Variants in MAML3 observed in about 807,000 individuals in gnomAD.
MAML3 encodes mastermind like transcriptional coactivator 3.
MAML3 carries 27 observed loss-of-function variants against 101.9 expected under a neutral mutation model. The observed-to-expected ratio is 0.27, with a 90% confidence interval of 0.20 to 0.37. The LOEUF (loss-of-function observed/expected upper bound fraction) is 0.37. Among genes scored for constraint, MAML3 ranks in the 10% least tolerant of loss-of-function variants. MAML3 has a pLI of 1.00. For missense variants in MAML3, 1,316 were observed against 1,444.9 expected (o/e 0.91, Z 1.45); for synonymous variants, 501 against 555.9 (o/e 0.90, Z 1.39).
chr4:139,736,482 C>T (rs564153829), intron 2 of MAML3, among the ~76,000 whole-genome samples: 1 of 152,280 alleles, frequency 6.6e-6, no homozygotes, highest in African/African-American at 2.4e-5. Flanking sequence ...TCTGACCTCT[C>T]TCAGTCCCCA....
chr4:139,970,224 G>A (rs1388849381), intron 1 of MAML3, among the ~76,000 whole-genome samples: 3 of 152,208 alleles, frequency 2.0e-5, no homozygotes, highest in Admixed American at 6.5e-5. Flanking sequence ...GATTAGAGCA[G>A]GCTTCACGGA....
intron 2 of MAML3, among the ~76,000 whole-genome samples, chr4:139,851,893 C>G (rs1731560940): frequency 6.6e-6 from 1 of 152,104 alleles, no homozygotes; most frequent in Non-Finnish European, 1.5e-5. Context: ...TGAGGGATTG[C>G]TGATAGGAAA....
chr4:140,126,403 T>C (rs997224692), intron 1 of MAML3, among the ~76,000 whole-genome samples: 4 of 152,160 alleles, frequency 2.6e-5, no homozygotes, highest in East Asian at 3.8e-4. Flanking sequence ...GAGCTTCCAG[T>C]TGCCAAATCC....
intron 1 of MAML3, among the ~76,000 whole-genome samples, chr4:140,091,538 AAAAACAAAAC>A (rs1282094243): frequency 4.5e-5 from 1 of 22,206 alleles, no homozygotes; most frequent in Non-Finnish European, 2.1e-4. Context: ...ACAACAAAAC[AAAAACAAAAC>A]AAAAAAAAAA....
At chr4:140,121,957 G>T (rs1371176983) in intron 1 of MAML3, among the ~76,000 whole-genome samples, 2 of 152,040 alleles carry the variant, frequency 1.3e-5, no homozygotes, top group African/African-American at 2.4e-5. Flanking sequence ...GTTTTATAAG[G>T]TGCTTTCCCC....
chr4:139,846,864 G>T (rs900450546), intron 2 of MAML3, among the ~76,000 whole-genome samples: 1 of 152,172 alleles, frequency 6.6e-6, no homozygotes, highest in Admixed American at 6.5e-5. Flanking sequence ...GAGGAAAATT[G>T]TGTGTTTTCC....
At chr4:140,135,328 A>G (rs1171096003) in intron 1 of MAML3, among the ~76,000 whole-genome samples, 2 of 152,244 alleles carry the variant, frequency 1.3e-5, no homozygotes, top group African/African-American at 4.8e-5. Flanking sequence ...TAAAGATGTC[A>G]TGTGCAAAGT....
chr4:139,763,845 T>C (rs1331850991), intron 2 of MAML3, among the ~76,000 whole-genome samples: 1 of 152,212 alleles, frequency 6.6e-6, no homozygotes, highest in African/African-American at 2.4e-5. Context: ...GAGAGGCCGC[T>C]GAATTAAACA....
At chr4:139,731,849 C>G (rs914265809) in intron 2 of MAML3, among the ~76,000 whole-genome samples, 3 of 152,112 alleles carry the variant, frequency 2.0e-5, no homozygotes, top group Non-Finnish European at 4.4e-5. Context: ...ACAGTGTAGA[C>G]TATTAGGGGA....
At chr4:140,070,259 A>G (rs1425604247) in intron 1 of MAML3, among the ~76,000 whole-genome samples, 3 of 152,232 alleles carry the variant, frequency 2.0e-5, no homozygotes, top group Non-Finnish European at 4.4e-5. Flanking sequence ...TGCTTCAGAA[A>G]TACTTGTTGA....
chr4:139,942,237 C>G (rs1453820562), intron 1 of MAML3, among the ~76,000 whole-genome samples: 5 of 151,910 alleles, frequency 3.3e-5, no homozygotes, highest in Admixed American at 2.6e-4. Context: ...AATACCAGAA[C>G]AAAGAGCCAT....
intron 1 of MAML3, among the ~76,000 whole-genome samples, chr4:139,952,662 T>C (rs955851509): frequency 5.3e-5 from 8 of 152,228 alleles, no homozygotes; most frequent in Non-Finnish European, 1.2e-4. Flanking sequence ...GTAAATTTGA[T>C]GCTGGTGAGT....
chr4:140,039,109 C>G (rs1199977270), intron 1 of MAML3, among the ~76,000 whole-genome samples: 1 of 151,752 alleles, frequency 6.6e-6, no homozygotes, highest in African/African-American at 2.4e-5. Flanking sequence ...AGAGACAGAG[C>G]AAGACTCCGT....
intron 1 of MAML3, among the ~76,000 whole-genome samples, chr4:140,076,911 A>G (rs183653362): frequency 2.0e-5 from 3 of 152,082 alleles, no homozygotes; most frequent in Admixed American, 1.3e-4. Context: ...TTGTTTTGAA[A>G]CGGAGTCTCA....
chr4:139,977,070 T>C (rs1295485652), intron 1 of MAML3, among the ~76,000 whole-genome samples: 3 of 151,850 alleles, frequency 2.0e-5, no homozygotes, highest in Admixed American at 6.6e-5. Context: ...CTTATAAGAG[T>C]TCCTGGTGAG....
chr4:140,021,073 GA>G (rs1473745979), intron 1 of MAML3, among the ~76,000 whole-genome samples: 1 of 152,154 alleles, frequency 6.6e-6, no homozygotes, highest in African/African-American at 2.4e-5. Context: ...ACAGAGAGAT[GA>G]AAATAGACAA....
intron 2 of MAML3, among the ~76,000 whole-genome samples, chr4:139,737,039 C>T (rs970040545): frequency 6.6e-6 from 1 of 152,212 alleles, no homozygotes; most frequent in African/African-American, 2.4e-5. Context: ...GGACGGACTA[C>T]TCCAGTTGCA....
intron 2 of MAML3, among the ~76,000 whole-genome samples, chr4:139,776,619 G>A (rs1730101563): frequency 6.6e-6 from 1 of 152,126 alleles, no homozygotes; most frequent in Admixed American, 6.5e-5. Flanking sequence ...AAAACAGGAT[G>A]GAAACACACT....
intron 1 of MAML3, among the ~76,000 whole-genome samples, chr4:139,991,013 G>A (rs1255154709): frequency 1.3e-5 from 2 of 152,118 alleles, no homozygotes; most frequent in African/African-American, 4.8e-5. Context: ...TCCCCATCAA[G>A]CTACCAATGA....
Sources: gnomAD v4.1 joint callset for allele counts (sites outside exome capture counted in the v4.1 genomes callset) on GRCh38, gnomAD v4.1.1 for gene constraint, MANE v1.5 for transcripts, NCBI Gene and HGNC (gene_info 2026-07-23, HGNC 2026-07-21) for gene names.